KIAA1549L: variants seen among roughly 807,000 people sequenced by gnomAD.
The protein encoded by KIAA1549L is KIAA1549 like, also known as UPF0606 protein KIAA1549L.
In KIAA1549L, 88 loss-of-function variants were observed where a neutral mutation model predicts 160.7. That is an observed-to-expected ratio of 0.55 (90% confidence interval 0.46 to 0.65). The LOEUF (loss-of-function observed/expected upper bound fraction) is 0.65, where lower values mean the gene tolerates loss of function less well. Among genes scored for constraint, KIAA1549L ranks in the 30% least tolerant of loss-of-function variants. KIAA1549L has a pLI of 0.00. For missense variants in KIAA1549L, 2,258 were observed against 2,437.5 expected (o/e 0.93, Z 1.55); for synonymous variants, 950 against 976.7 (o/e 0.97, Z 0.51).
At chr11:33,640,905 A>G (rs1270773604) in intron 16 of KIAA1549L, among the ~76,000 whole-genome samples, 3 of 152,256 alleles carry the variant, frequency 2.0e-5, no homozygotes, top group African/African-American at 7.2e-5. Flanking sequence ...ATTCCAAGTT[A>G]AAGAGGTTTA....
intron 1 of KIAA1549L, among the ~76,000 whole-genome samples, chr11:33,494,117 T>G (rs1418949311): frequency 6.6e-6 from 1 of 152,222 alleles, no homozygotes; most frequent in Non-Finnish European, 1.5e-5. Context: ...TCTTGTTGAT[T>G]CTATGGGTTC....
chr11:33,603,184 T>G (rs190399771), intron 13 of KIAA1549L, among the ~76,000 whole-genome samples: 84 of 150,092 alleles, frequency 5.6e-4, no homozygotes, highest in African/African-American at 2.0e-3. Flanking sequence ...CAATCTTTAT[T>G]GAAGGCCAAC....
chr11:33,447,211 T>C (rs1020440792), intron 1 of KIAA1549L, among the ~76,000 whole-genome samples: 1 of 149,018 alleles, frequency 6.7e-6, no homozygotes, highest in South Asian at 2.1e-4. Flanking sequence ...GAGTTGAGAA[T>C]GAACATAGCA....
At chr11:33,419,895 TACATAC>T (rs1850967633) in intron 1 of KIAA1549L, among the ~76,000 whole-genome samples, 1 of 98,218 alleles carries the variant, frequency 1.0e-5, no homozygotes, top group African/African-American at 3.9e-5. Context: ...CATACATACA[TACATAC>T]ATACATATAT....
At chr11:33,456,627 G>A (rs1006113533) in intron 1 of KIAA1549L, among the ~76,000 whole-genome samples, 1 of 152,114 alleles carries the variant, frequency 6.6e-6, no homozygotes, top group Non-Finnish European at 1.5e-5. Context: ...GCCCAGGTTG[G>A]TCTTGAACTC....
intron 17 of KIAA1549L, among the ~76,000 whole-genome samples, chr11:33,653,117 T>C (rs892904038): frequency 1.3e-5 from 2 of 152,212 alleles, no homozygotes; most frequent in African/African-American, 4.8e-5. Context: ...TCAGCATTCA[T>C]TCAGAAAATA....
intron 1 of KIAA1549L, among the ~76,000 whole-genome samples, chr11:33,386,300 C>T (rs892711776): frequency 2.6e-5 from 4 of 152,194 alleles, no homozygotes; most frequent in African/African-American, 9.6e-5. Flanking sequence ...GACTGGTTAT[C>T]AGATTTTGGC....
intron 1 of KIAA1549L, among the ~76,000 whole-genome samples, chr11:33,408,489 G>GTATATATATA (rs138063173): frequency 0.018 from 2,221 of 122,974 alleles, 29 homozygotes; most frequent in Non-Finnish European, 0.023. Flanking sequence ...CTGTATATGT[G>GTATATATATA]TATATATATA....
Position 33,645,641 on chromosome 11 carries a change from G to A in KIAA1549L, c.5410-45G>A, listed in dbSNP as rs761845027. 36 of 1,414,988 alleles carry A rather than the reference G, an allele frequency of 2.5e-5. 2 individuals are homozygous for A. Among genetic ancestry groups the A allele is most frequent in the Middle Eastern group, 3.5e-4 (2 of 5,634 alleles). 87.7% of individuals were successfully genotyped at this position (1,414,988 alleles called of 1,614,324 possible). ...AGAGTAAATTACAGAGCACCTTCAC[G>A]GGAAGGAAAGTAAACACATCAATGG... On this transcript the variant is annotated intron_variant, in intron 16 of 20. Coordinates refer to ENST00000658780, the MANE Select transcript of KIAA1549L (RefSeq NM_012194.3).
At position 33,633,139 on chromosome 11, in the gene KIAA1549L, C is replaced by CTTT. The variant is rs56310347; in HGVS notation, c.5410-12518_5410-12516dup. ...GACAGGTGCCCACCACCATGCCCAG[C>CTTT]TTTTTTTTTTTTTTTTTTTTTTTTT... On this transcript the variant is annotated intron_variant, in intron 16 of 20. Transcript: ENST00000658780. Among the ~76,000 whole-genome samples, 224 of 50,712 alleles carry CTTT rather than the reference C, an allele frequency of 4.4e-3. 11 individuals are homozygous for CTTT. The highest frequency in any genetic ancestry group is 9.5e-3 in the African/African-American group (112 of 11,770). The allele number at this position is 50,712 out of a possible 152,430, so 33.3% of individuals were successfully genotyped here. A position where few individuals can be genotyped will look rare whatever the true frequency, so the allele number is the denominator to read the frequency against.
intron 1 of KIAA1549L, among the ~76,000 whole-genome samples, chr11:33,497,829 A>ATATG (rs2133080656): frequency 6.6e-6 from 1 of 152,378 alleles, no homozygotes; most frequent in Admixed American, 6.5e-5. Context: ...TAAAACTTAA[A>ATATG]TATGCAATTA....
chr11:33,400,393 CTGGGTTACAA>C (rs1850473744), intron 1 of KIAA1549L, among the ~76,000 whole-genome samples: 1 of 152,224 alleles, frequency 6.6e-6, no homozygotes, highest in East Asian at 1.9e-4. Context: ...CCACTTTACC[CTGGGTTACAA>C]TGGGAATGGA....
Position 33,404,086 on chromosome 11 carries a change from A to G in KIAA1549L, c.238+27197A>G, listed in dbSNP as rs141714455. Among the ~76,000 whole-genome samples, 653 of 152,342 alleles carry G rather than the reference A, an allele frequency of 4.3e-3. 2 individuals carry two copies. Among genetic ancestry groups the G allele is most frequent in the African/African-American group, 0.015 (628 of 41,578 alleles). On this transcript the variant is annotated intron_variant, in intron 1 of 20. Transcript: ENST00000658780. ...CTGTGTCAGACGTCTGACATGGCCTATACTGTTTGTTGCTAAATGAAGTTA... is the reference window on the plus strand; with the variant it reads ...CTGTGTCAGACGTCTGACATGGCCTGTACTGTTTGTTGCTAAATGAAGTTA...
chr11:33,405,548 A>T (rs1403407122), intron 1 of KIAA1549L, among the ~76,000 whole-genome samples: 1 of 148,740 alleles, frequency 6.7e-6, no homozygotes, highest in African/African-American at 2.5e-5. Flanking sequence ...ACTGCTTCTA[A>T]AGAATCAAAA....
chr11:33,545,400 C>T (rs753413230), intron 3 of KIAA1549L, 22 bp downstream of exon 3: 6 of 1,584,284 alleles, frequency 3.8e-6, no homozygotes, highest in Non-Finnish European at 4.3e-6. Context: ...CTGTTCTGAT[C>T]TGAAAGCAGC....
chr11:33,443,991 A>G (rs573458435), intron 1 of KIAA1549L, among the ~76,000 whole-genome samples: 1 of 152,334 alleles, frequency 6.6e-6, no homozygotes, highest in Admixed American at 6.5e-5. Context: ...TACCTTGGAA[A>G]GGAATCTCCT....
chr11:33,487,244 G>T (rs548036803), intron 1 of KIAA1549L, among the ~76,000 whole-genome samples: 16 of 152,196 alleles, frequency 1.1e-4, no homozygotes, highest in Middle Eastern at 3.4e-3. Flanking sequence ...GCTAGCTGTA[G>T]ATCATCTGCA....
intron 17 of KIAA1549L, among the ~76,000 whole-genome samples, chr11:33,646,815 G>A (rs2133408056): frequency 6.6e-6 from 1 of 151,892 alleles, no homozygotes; most frequent in South Asian, 2.1e-4. Flanking sequence ...TTAAAAACTT[G>A]TGTCTTCCTT....
At chr11:33,601,687 G>A (rs1387225192) in intron 13 of KIAA1549L, among the ~76,000 whole-genome samples, 1 of 152,194 alleles carries the variant, frequency 6.6e-6, no homozygotes, top group Admixed American at 6.5e-5. Flanking sequence ...GTTAATAAAT[G>A]TTAAATGTAG....
Sources: allele counts gnomAD v4.1 joint callset (sites outside exome capture counted in the v4.1 genomes callset), GRCh38; gene constraint gnomAD v4.1.1; transcripts MANE v1.5; gene names NCBI Gene and HGNC (gene_info 2026-07-23, HGNC 2026-07-21).